PCDH9: variants seen among roughly 807,000 people sequenced by gnomAD.
PCDH9 encodes the protein protocadherin-9.
A neutral mutation model predicts 70.6 loss-of-function variants in PCDH9; 24 were observed. The observed-to-expected ratio is 0.34, with a 90% CI of 0.25 to 0.48. The LOEUF (loss-of-function observed/expected upper bound fraction) is 0.48. PCDH9 is among the 20% of genes least tolerant of loss of function. The pLI is 0.99. For missense variants in PCDH9, 1,281 were observed against 1,503.6 expected, an observed-to-expected ratio of 0.85 and a Z score of 2.45; for synonymous variants, 562 against 558.5, an observed-to-expected ratio of 1.01 and a Z score of -0.09.
intron 2 of PCDH9, among the ~76,000 whole-genome samples, chr13:67,094,870 A>G (rs1453962857): frequency 6.6e-6 from 1 of 152,038 alleles, no homozygotes; most frequent in Non-Finnish European, 1.5e-5. Flanking sequence ...CTTACAGTGG[A>G]CTTAGCAGTT....
chr13:67,049,586 T>C (rs533810668), intron 2 of PCDH9, among the ~76,000 whole-genome samples: 55 of 152,310 alleles, frequency 3.6e-4, no homozygotes, highest in South Asian at 6.2e-4. Context: ...AGAATCTGTG[T>C]CTGAGGATGG....
chr13:66,727,355 A>T (rs1313189153), intron 3 of PCDH9, among the ~76,000 whole-genome samples: 1 of 152,148 alleles, frequency 6.6e-6, no homozygotes, highest in Non-Finnish European at 1.5e-5. Flanking sequence ...ATATAAGAGG[A>T]GAGTTCATGT....
chr13:66,330,088 G>T (rs1955916223), intron 4 of PCDH9, among the ~76,000 whole-genome samples: 1 of 152,166 alleles, frequency 6.6e-6, no homozygotes, highest in Admixed American at 6.5e-5. Context: ...AGCAAGACTG[G>T]CTGAGAAACA....
chr13:66,520,419 A>T (rs1415285468), intron 4 of PCDH9, among the ~76,000 whole-genome samples: 1 of 152,152 alleles, frequency 6.6e-6, no homozygotes, highest in Non-Finnish European at 1.5e-5. Flanking sequence ...GTGAGATAAG[A>T]TTGGGTGGGA....
chr13:66,827,654 A>G (rs759147176), intron 3 of PCDH9, among the ~76,000 whole-genome samples: 6 of 152,218 alleles, frequency 3.9e-5, no homozygotes, highest in Non-Finnish European at 8.8e-5. Context: ...TAGAGCAACC[A>G]GGTAATTTTG....
intron 4 of PCDH9, among the ~76,000 whole-genome samples, chr13:66,457,079 G>A (rs889504563): frequency 3.9e-5 from 6 of 151,920 alleles, no homozygotes; most frequent in Non-Finnish European, 5.9e-5. Flanking sequence ...TTAAGTCTGC[G>A]TACTTGTGCC....
chr13:66,862,443 T>C (rs973041482), intron 3 of PCDH9, among the ~76,000 whole-genome samples: 17 of 152,308 alleles, frequency 1.1e-4, no homozygotes, highest in Non-Finnish European at 2.1e-4. Context: ...CCTATTTCCC[T>C]GTTATAGAGG....
At chr13:66,980,368 T>C (rs146195643) in intron 2 of PCDH9, among the ~76,000 whole-genome samples, 126 of 152,258 alleles carry the variant, frequency 8.3e-4, no homozygotes, top group African/African-American at 3.0e-3. Flanking sequence ...AAGGTAATCT[T>C]GTAAAAGTAT....
chr13:66,801,597 A>G (rs2080328039), intron 3 of PCDH9, among the ~76,000 whole-genome samples: 1 of 152,072 alleles, frequency 6.6e-6, no homozygotes, highest in African/African-American at 2.4e-5. Context: ...TTGGTTGAGG[A>G]TTAAGGGGAA....
chr13:66,986,159 G>T (rs1422777588), intron 2 of PCDH9, among the ~76,000 whole-genome samples: 1 of 151,944 alleles, frequency 6.6e-6, no homozygotes, highest in East Asian at 1.9e-4. Context: ...CAGCAGGAAG[G>T]AAAAGTGCTG....
At chr13:66,666,157 C>T (rs1380843904) in intron 3 of PCDH9, among the ~76,000 whole-genome samples, 3 of 152,220 alleles carry the variant, frequency 2.0e-5, no homozygotes, top group Non-Finnish European at 4.4e-5. Context: ...GACTGGTAGC[C>T]ATGGCAACAG....
At chr13:67,143,008 C>CA (rs543201263) in intron 2 of PCDH9, among the ~76,000 whole-genome samples, 44 of 147,650 alleles carry the variant, frequency 3.0e-4, no homozygotes, top group East Asian at 1.6e-3. Flanking sequence ...GACTACGTAT[C>CA]AAAAAAAAGA....
chr13:66,785,046 C>A (rs961219009), intron 3 of PCDH9, among the ~76,000 whole-genome samples: 1 of 151,998 alleles, frequency 6.6e-6, no homozygotes, highest in African/African-American at 2.4e-5. Context: ...TGTAAAAATT[C>A]TAATATTGTA....
intron 2 of PCDH9, among the ~76,000 whole-genome samples, chr13:67,177,287 A>T (rs1043380508): frequency 1.1e-4 from 17 of 151,966 alleles, no homozygotes. Flanking sequence ...TCATTTCTCC[A>T]AGCTTCCATA....
At chr13:67,148,167 A>C (rs989936313) in intron 2 of PCDH9, among the ~76,000 whole-genome samples, 1 of 151,752 alleles carries the variant, frequency 6.6e-6, no homozygotes, top group Non-Finnish European at 1.5e-5. Flanking sequence ...GAGAATTTAT[A>C]AGCGTATCTA....
chr13:66,487,587 C>T lies in PCDH9; in HGVS notation c.3340+143623G>A, dbSNP rs548172991. 1.5e-4 allele frequency among the ~76,000 whole-genome samples: 23 copies of T among 152,016 alleles called. No homozygotes were observed. The East Asian group carries it at 1.5e-3, about 10-fold the overall frequency. On this transcript the variant is annotated intron_variant, in intron 4 of 4. Coordinates refer to ENST00000377865, the MANE Select transcript of PCDH9 (RefSeq NM_203487.3). ...TCCATATAATATTCCATAATATGGA[C>T]GTAATATTATATGTCCATAATATTA...
At chr13:66,568,437 G>GCA (rs372205371) in intron 4 of PCDH9, among the ~76,000 whole-genome samples, 3 of 145,128 alleles carry the variant, frequency 2.1e-5, no homozygotes, top group Admixed American at 7.0e-5. Flanking sequence ...ACACGCACAC[G>GCA]CACACACACA....
intron 4 of PCDH9, among the ~76,000 whole-genome samples, chr13:66,522,599 A>G (rs1388807352): frequency 2.6e-5 from 4 of 152,052 alleles, no homozygotes; most frequent in South Asian, 2.1e-4. Context: ...ATAGTTAAAG[A>G]GATGAGGTCA....
chr13:66,421,478 A>G (rs1238242816), intron 4 of PCDH9, among the ~76,000 whole-genome samples: 3 of 151,856 alleles, frequency 2.0e-5, no homozygotes, highest in Admixed American at 6.6e-5. Context: ...CAGAAGCCCT[A>G]CAAGCCAGAA....
Sources: gnomAD v4.1 joint callset for allele counts (sites outside exome capture counted in the v4.1 genomes callset) on GRCh38, gnomAD v4.1.1 for gene constraint, MANE v1.5 for transcripts, NCBI Gene and HGNC (gene_info 2026-07-23, HGNC 2026-07-21) for gene names.